ELAPOR1: variants seen among roughly 807,000 people sequenced by gnomAD.
ELAPOR1 encodes endosome/lysosome-associated apoptosis and autophagy regulator 1.
A neutral mutation model predicts 119.7 loss-of-function variants in ELAPOR1; 77 were observed. The ratio of observed to expected loss-of-function variants is 0.64; its 90% CI spans 0.54 to 0.78. ELAPOR1 has a LOEUF of 0.78. Among genes scored for constraint, ELAPOR1 ranks in the 30% least tolerant of loss-of-function variants. The probability of loss-of-function intolerance (pLI) is 0.00; values close to 1 mark genes in which losing one functional copy is unlikely to be tolerated. For missense variants in ELAPOR1, 1,115 were observed against 1,270.4 expected (o/e 0.88, Z 1.86); for synonymous variants, 481 against 487.2 (o/e 0.99, Z 0.17).
chr1:109,151,567 C>T (rs1650530912), intron 1 of ELAPOR1, among the ~76,000 whole-genome samples: 1 of 152,206 alleles, frequency 6.6e-6, no homozygotes, highest in Non-Finnish European at 1.5e-5. Flanking sequence ...GAGAGAAAGT[C>T]TCATCTGGGG....
Position 109,206,561 on chromosome 1 carries a change from C to G in ELAPOR1, c.*3549C>G, listed in dbSNP as rs77802949. 3.3e-5 allele frequency: 5 copies of G among 152,210 alleles called. No homozygotes were observed. In the East Asian group the frequency reaches 7.7e-4, roughly 23 times the overall value. 9.4% of individuals were successfully genotyped at this position (152,210 alleles called of 1,614,324 possible). The stretch of plus-strand genomic sequence containing the variant: ...GCTTTTGTTTTTGTTTTAGTGCCAA[C>G]AAAACTTTTTTTTGTCTGACTACAT... On this transcript the variant is annotated 3_prime_UTR_variant, in exon 22 of 22. Transcript: ENST00000369939.
rs182454231 is a variant in ELAPOR1, at chr1:109,177,894, A to C, written c.952+4057A>C. Among the ~76,000 whole-genome samples the C allele has an allele frequency of 6.6e-5, 10 of 152,186 alleles. No homozygotes were observed. The East Asian group carries it at 1.9e-3, about 29-fold the overall frequency. On this transcript the variant is annotated intron_variant, in intron 7 of 21. Coordinates refer to ENST00000369939, the MANE Select transcript of ELAPOR1 (RefSeq NM_020775.5). Reference sequence around the variant, plus strand: ...TCTGTGTAAGCTGATTTTTATCCAGAGTGCTGTTATAAAAGCATTAGGTTG... The same window carrying C: ...TCTGTGTAAGCTGATTTTTATCCAGCGTGCTGTTATAAAAGCATTAGGTTG...
intron 1 of ELAPOR1, among the ~76,000 whole-genome samples, chr1:109,142,416 A>G (rs1158728944): frequency 6.6e-6 from 1 of 152,198 alleles, no homozygotes; most frequent in African/African-American, 2.4e-5. Flanking sequence ...GGAAGCCCTG[A>G]TTTATAGTGT....
Position 109,191,393 on chromosome 1 carries a change from A to G in ELAPOR1, c.1467A>G (p.Thr489=), listed in dbSNP as rs1210214889. The G allele has an allele frequency of 3.7e-6, 6 of 1,612,860 alleles. No homozygotes were observed. Among genetic ancestry groups the G allele is most frequent in the South Asian group, 1.1e-5 (1 of 91,064 alleles). ...FRPPQSVMAD[T]ENKEVARITF... The stretch of plus-strand genomic sequence containing the variant: ...CTCCGCAGTCGGTGATGGCAGACAC[A>G]GAGAATAAAGAGGTGGCCAGAATCA... Residue 489 remains threonine, a synonymous_variant, in exon 12 of 22, where the codon ACA becomes ACG. Transcript: ENST00000369939.
intron 1 of ELAPOR1, among the ~76,000 whole-genome samples, chr1:109,158,743 A>C (rs1651051169): frequency 6.6e-6 from 1 of 152,150 alleles, no homozygotes; most frequent in Non-Finnish European, 1.5e-5. Flanking sequence ...CTTTATGCAA[A>C]TTATATACTT....
Position 109,114,328 on chromosome 1 carries a change from T to A in ELAPOR1, c.145T>A (p.Cys49Ser), listed in dbSNP as rs1171811330. The A allele has an allele frequency of 6.3e-7, 1 of 1,589,606 alleles. No individual in the cohort carries two copies. Among genetic ancestry groups the A allele is most frequent in the Admixed American group, 1.8e-5 (1 of 56,322 alleles). Residue 49 changes from cysteine (C) to serine (S), a missense_variant, in exon 1 of 22, where the codon TGC (cysteine) becomes AGC (serine). Cys to Ser is a moderately radical substitution (Grantham distance 112). Coordinates refer to ENST00000369939, the MANE Select transcript of ELAPOR1 (RefSeq NM_020775.5). Reference protein sequence around the residue: ...TQGTGPELHACKESEYHYEYT... With the variant: ...TQGTGPELHASKESEYHYEYT... ...GGGAACGGGACCGGAGCTTCATGCC[T>A]GCAAAGAGGTACTGCCGCCCCCCTA... is the stretch of plus-strand genomic sequence containing the variant.
At chr1:109,170,608 A>C (rs191490060) in intron 3 of ELAPOR1, among the ~76,000 whole-genome samples, 10 of 152,318 alleles carry the variant, frequency 6.6e-5, no homozygotes, top group Non-Finnish European at 1.2e-4. Context: ...AATTGAAAGA[A>C]ATGTCATAGA....
chr1:109,191,699 C>A (rs377694746), intron 12 of ELAPOR1, 27 bp from the exon 13 acceptor site: 1 of 1,613,336 alleles, frequency 6.2e-7, no homozygotes. Context: ...CCATCGCACC[C>A]GCTTCACTTG....
chr1:109,144,061 A>ATATATATATATATATTTTTTT, intron 1 of ELAPOR1, among the ~76,000 whole-genome samples: 1 of 89,018 alleles, frequency 1.1e-5, no homozygotes, highest in African/African-American at 4.8e-5. Flanking sequence ...ATATTTATAT[A>ATATATATATATATATTTTTTT]TTTTTTTTTT....
intron 1 of ELAPOR1, among the ~76,000 whole-genome samples, chr1:109,142,238 G>A (rs1392191682): frequency 6.6e-6 from 1 of 152,164 alleles, no homozygotes; most frequent in African/African-American, 2.4e-5. Context: ...ACAAAAAAGA[G>A]TTGAACTGAG....
intron 1 of ELAPOR1, among the ~76,000 whole-genome samples, chr1:109,158,556 T>A (rs1003035097): frequency 1.3e-5 from 2 of 152,212 alleles, no homozygotes; most frequent in East Asian, 3.9e-4. Flanking sequence ...CCCCACCCTC[T>A]CATTTCTAAA....
At chr1:109,165,477 C>T (rs188448215) in intron 3 of ELAPOR1, among the ~76,000 whole-genome samples, 2 of 151,502 alleles carry the variant, frequency 1.3e-5, no homozygotes, top group Admixed American at 1.3e-4. Flanking sequence ...CTCAGCGACT[C>T]GGGAGGCTGA....
At chr1:109,135,280 GT>G (rs1649394958) in intron 1 of ELAPOR1, among the ~76,000 whole-genome samples, 1 of 151,784 alleles carries the variant, frequency 6.6e-6, no homozygotes, top group Admixed American at 6.6e-5. Context: ...GTCTCGCTCT[GT>G]CCCCGAGGCT....
At chr1:109,158,890 TC>T (rs1355699676) in intron 1 of ELAPOR1, among the ~76,000 whole-genome samples, 1 of 147,354 alleles carries the variant, frequency 6.8e-6, no homozygotes, top group Non-Finnish European at 1.5e-5. Context: ...TAAGCTTATG[TC>T]TTTTTTTTTT....
At chr1:109,151,517 G>C (rs189344357) in intron 1 of ELAPOR1, among the ~76,000 whole-genome samples, 1 of 152,310 alleles carries the variant, frequency 6.6e-6, no homozygotes, top group Non-Finnish European at 1.5e-5. Context: ...AAAAAGTACA[G>C]AAACCAGGAG....
At position 109,127,164 on chromosome 1, in the gene ELAPOR1, T is replaced by C. The variant is rs989757742; in HGVS notation, c.153+12828T>C. Among the ~76,000 whole-genome samples the C allele has an allele frequency of 3.3e-5, 5 of 151,484 alleles. No individual in the cohort carries two copies. In the East Asian group the frequency reaches 7.7e-4, roughly 23 times the overall value. On this transcript the variant is annotated intron_variant, in intron 1 of 21. Coordinates refer to ENST00000369939, the MANE Select transcript of ELAPOR1 (RefSeq NM_020775.5). ...GACAGCTGCTGAAAATACAAAAATA[T>C]ATTCTCATATTTCCTGGGCCCTCCA... is the stretch of plus-strand genomic sequence containing the variant.
intron 1 of ELAPOR1, among the ~76,000 whole-genome samples, chr1:109,147,939 C>T (rs548525216): frequency 4.0e-4 from 60 of 151,696 alleles, no homozygotes; most frequent in African/African-American, 1.4e-3. Context: ...ACGCCATTCT[C>T]CTACCTCAGG....
At chr1:109,153,976 G>A (rs1650697194) in intron 1 of ELAPOR1, among the ~76,000 whole-genome samples, 1 of 152,008 alleles carries the variant, frequency 6.6e-6, no homozygotes, top group Non-Finnish European at 1.5e-5. Context: ...TTTTAACTAA[G>A]ATGTGCTATT....
chr1:109,160,203 A>T, intron 1 of ELAPOR1, among the ~76,000 whole-genome samples: 1 of 151,992 alleles, frequency 6.6e-6, no homozygotes, highest in Non-Finnish European at 1.5e-5. Flanking sequence ...GCTACTTGGG[A>T]AGCTGAGGTG....
Sources: gnomAD v4.1 joint callset for allele counts (sites outside exome capture counted in the v4.1 genomes callset) on GRCh38, gnomAD v4.1.1 for gene constraint, MANE v1.5 for transcripts, NCBI Gene and HGNC (gene_info 2026-07-23, HGNC 2026-07-21) for gene names.